Variants in RIC8B observed in about 807,000 individuals in gnomAD.
The protein encoded by RIC8B is chaperone Ric-8B.
A neutral mutation model predicts 57.5 loss-of-function variants in RIC8B; 16 were observed. The ratio of observed to expected loss-of-function variants is 0.28; its 90% CI spans 0.19 to 0.42. The LOEUF (loss-of-function observed/expected upper bound fraction) is 0.42, where lower values mean the gene tolerates loss of function less well. RIC8B is among the 10% of genes least tolerant of loss of function. The probability of loss-of-function intolerance (pLI) is 1.00; values close to 1 mark genes in which losing one functional copy is unlikely to be tolerated. For missense variants in RIC8B, 481 were observed against 677.0 expected, an observed-to-expected ratio of 0.71 and a Z score of 3.21; for synonymous variants, 216 against 250.8, an observed-to-expected ratio of 0.86 and a Z score of 1.31.
chr12:106,853,562 A>G (rs749546663), intron 7 of RIC8B, among the ~76,000 whole-genome samples: 1 of 134,332 alleles, frequency 7.4e-6, no homozygotes, highest in African/African-American at 2.8e-5. Context: ...TCCGCCTCCC[A>G]GGTTGAAGCG....
intron 2 of RIC8B, 68 bp downstream of exon 2, chr12:106,784,112 GT>G: frequency 5.0e-6 from 7 of 1,401,588 alleles, no homozygotes; most frequent in Non-Finnish European, 7.0e-6. Flanking sequence ...TTTCTAAGCA[GT>G]GGTCATGTTT....
At chr12:106,869,252 A>C (rs1291982187) in intron 8 of RIC8B, among the ~76,000 whole-genome samples, 4 of 152,188 alleles carry the variant, frequency 2.6e-5, no homozygotes, top group Non-Finnish European at 5.9e-5. Context: ...TATGTCATGC[A>C]GCCTCTGAGG....
intron 9 of RIC8B, among the ~76,000 whole-genome samples, chr12:106,883,424 A>G (rs1200460745): frequency 1.3e-5 from 2 of 152,186 alleles, no homozygotes; most frequent in African/African-American, 4.8e-5. Flanking sequence ...CTCTCCACTG[A>G]ACATTTCTAC....
At chr12:106,777,400 A>C (rs1307928009) in intron 1 of RIC8B, among the ~76,000 whole-genome samples, 2 of 152,206 alleles carry the variant, frequency 1.3e-5, no homozygotes, top group Non-Finnish European at 2.9e-5. Context: ...ACCCTGAAAA[A>C]AAATAGTTGG....
chr12:106,824,021 G>A (rs2045978058), intron 3 of RIC8B, among the ~76,000 whole-genome samples: 1 of 152,174 alleles, frequency 6.6e-6, no homozygotes, highest in Admixed American at 6.5e-5. Flanking sequence ...GTTTGAGATG[G>A]ATAGTGAATG....
intron 4 of RIC8B, among the ~76,000 whole-genome samples, chr12:106,836,825 A>G (rs1440499222): frequency 6.6e-6 from 1 of 152,208 alleles, no homozygotes; most frequent in Admixed American, 6.5e-5. Context: ...ATAATATCCT[A>G]CAAGACCAAT....
At chr12:106,779,885 T>TG (rs2043677921) in intron 1 of RIC8B, among the ~76,000 whole-genome samples, 1 of 102,266 alleles carries the variant, frequency 9.8e-6, no homozygotes, top group Non-Finnish European at 1.9e-5. Flanking sequence ...TTTTTTTTTT[T>TG]TTTTGTGTGT....
intron 2 of RIC8B, among the ~76,000 whole-genome samples, chr12:106,805,591 A>G (rs995332658): frequency 3.9e-5 from 6 of 152,198 alleles, no homozygotes; most frequent in African/African-American, 1.4e-4. Context: ...GATTACTGCA[A>G]CAACCACTTA....
At chr12:106,811,961 TTTTA>T (rs2136275487) in intron 2 of RIC8B, among the ~76,000 whole-genome samples, 1 of 152,328 alleles carries the variant, frequency 6.6e-6, no homozygotes, top group African/African-American at 2.4e-5. Context: ...TTTCAACCAC[TTTTA>T]TTTGTTTCTA....
intron 4 of RIC8B, among the ~76,000 whole-genome samples, chr12:106,826,608 T>C (rs1319462327): frequency 1.3e-5 from 2 of 151,794 alleles, no homozygotes; most frequent in African/African-American, 4.8e-5. Flanking sequence ...ACAAAAAAAG[T>C]AGCTGGGCAT....
chr12:106,873,831 T>C (rs1443568087), intron 9 of RIC8B, among the ~76,000 whole-genome samples: 1 of 152,216 alleles, frequency 6.6e-6, no homozygotes, highest in Non-Finnish European at 1.5e-5. Context: ...AAAGCTAGCA[T>C]TTGTGCTGAT....
intron 2 of RIC8B, among the ~76,000 whole-genome samples, chr12:106,796,304 G>A (rs765792190): frequency 2.6e-5 from 4 of 152,146 alleles, no homozygotes; most frequent in Non-Finnish European, 5.9e-5. Flanking sequence ...TTAGGAGGCC[G>A]AGGTGGGAGG....
chr12:106,825,476 C>T (rs1349633139), intron 3 of RIC8B, among the ~76,000 whole-genome samples: 1 of 152,134 alleles, frequency 6.6e-6, no homozygotes, highest in Non-Finnish European at 1.5e-5. Context: ...AAAAAAGTCT[C>T]TAGCGGAATT....
chr12:106,774,919 C>G, intron 1 of RIC8B, 90 bp downstream of exon 1: 1 of 962,438 alleles, frequency 1.0e-6, no homozygotes, highest in Non-Finnish European at 1.6e-6. Context: ...CCCCCTCATT[C>G]CGGGGATGCG....
chr12:106,795,155 TA>T (rs2044420892), intron 2 of RIC8B, among the ~76,000 whole-genome samples: 1 of 152,186 alleles, frequency 6.6e-6, no homozygotes, highest in Non-Finnish European at 1.5e-5. Flanking sequence ...CCAGCTTCTT[TA>T]AAAGACAAAA....
At chr12:106,854,584 A>G (rs1183962178) in intron 7 of RIC8B, among the ~76,000 whole-genome samples, 1 of 152,144 alleles carries the variant, frequency 6.6e-6, no homozygotes, top group Non-Finnish European at 1.5e-5. Context: ...TGAGGTCAGG[A>G]GATCGAGACC....
chr12:106,816,237 C>T lies in RIC8B; in HGVS notation c.741+933C>T, dbSNP rs191347191. ...CAATTGACTTTAAGATTTAGGCTAA[C>T]ATTTGAAACACTTCTCACCCATGAG... On this transcript the variant is annotated intron_variant, in intron 3 of 9. Coordinates refer to ENST00000392837, the MANE Select transcript of RIC8B (RefSeq NM_001330145.2). Among the ~76,000 whole-genome samples the T allele has an allele frequency of 9.8e-5, 15 of 152,300 alleles. No individual in the cohort carries two copies. The East Asian group carries it at 2.3e-3, about 24-fold the overall frequency.
At chr12:106,841,683 T>C (rs1358183809) in intron 4 of RIC8B, among the ~76,000 whole-genome samples, 2 of 152,160 alleles carry the variant, frequency 1.3e-5, no homozygotes, top group East Asian at 3.8e-4. Flanking sequence ...TGTCTTTCCA[T>C]TGTTGATCAG....
At position 106,784,579 on chromosome 12, in the gene RIC8B, A is replaced by G. The variant is rs190547159; in HGVS notation, c.132+535A>G. 2.0e-4 allele frequency among the ~76,000 whole-genome samples: 31 copies of G among 152,160 alleles called. No individual in the cohort carries two copies. In the East Asian group the frequency reaches 4.6e-3, roughly 23 times the overall value. ...CTCATCATGTTGCCCATGCTGGTCT[A>G]TTGAGCTTCTGGCCTTAAGTGATCC... On this transcript the variant is annotated intron_variant, in intron 2 of 9. Transcript: ENST00000392837.
Sources: gnomAD v4.1 joint callset for allele counts (sites outside exome capture counted in the v4.1 genomes callset) on GRCh38, gnomAD v4.1.1 for gene constraint, MANE v1.5 for transcripts, NCBI Gene and HGNC (gene_info 2026-07-23, HGNC 2026-07-21) for gene names.